The following NFYC variants were observed in gnomAD, a reference collection of about 807,000 sequenced individuals.
NFYC encodes CAAT box DNA-binding protein subunit C.
In NFYC, 25 loss-of-function variants were observed where a neutral mutation model predicts 53.1. The observed-to-expected ratio is 0.47, with a 90% CI of 0.34 to 0.66. The LOEUF is 0.66. Among genes scored for constraint, NFYC ranks in the 30% least tolerant of loss-of-function variants. The probability of loss-of-function intolerance (pLI) is 0.01; values close to 1 mark genes in which losing one functional copy is unlikely to be tolerated. For missense variants in NFYC, 260 were observed against 422.7 expected (o/e 0.62, Z 3.38); for synonymous variants, 145 against 152.6 (o/e 0.95, Z 0.37).
intron 1 of NFYC, among the ~76,000 whole-genome samples, chr1:40,696,511 C>T (rs964078910): frequency 1.3e-5 from 2 of 152,210 alleles, no homozygotes; most frequent in Non-Finnish European, 2.9e-5. Flanking sequence ...GACAGGGTCA[C>T]TTGGCTATGC....
intron 1 of NFYC, among the ~76,000 whole-genome samples, chr1:40,707,339 C>A (rs1643744982): frequency 1.3e-5 from 2 of 150,484 alleles, no homozygotes; most frequent in African/African-American, 2.4e-5. Context: ...ACTAAAAATA[C>A]AAAAATTAGC....
intron 1 of NFYC, among the ~76,000 whole-genome samples, chr1:40,731,545 C>T (rs367968028): frequency 7.5e-4 from 114 of 151,462 alleles, no homozygotes; most frequent in African/African-American, 2.5e-3. Context: ...AGTGCAGTGG[C>T]GCGACCTCAG....
At chr1:40,752,011 AT>A (rs1645941526) in intron 4 of NFYC, among the ~76,000 whole-genome samples, 1 of 152,236 alleles carries the variant, frequency 6.6e-6, no homozygotes, top group Non-Finnish European at 1.5e-5. Context: ...GAAAAAAAAA[AT>A]TTCCATCCTC....
At chr1:40,766,403 G>T (rs72659591) in intron 7 of NFYC, among the ~76,000 whole-genome samples, 193 bp from the exon 8 acceptor site, 23 of 152,272 alleles carry the variant, frequency 1.5e-4, no homozygotes, top group Middle Eastern at 3.4e-3. Flanking sequence ...CTTCTGTGCT[G>T]TGTGACTTGT....
chr1:40,767,014 C>G (rs1204374937), intron 8 of NFYC: 5 of 1,534,422 alleles, frequency 3.3e-6, no homozygotes, highest in East Asian at 2.4e-5. Context: ...TTCGACAGAT[C>G]GCCTGATCGT....
chr1:40,711,220 G>GA (rs1643917592), intron 1 of NFYC, among the ~76,000 whole-genome samples: 1 of 152,180 alleles, frequency 6.6e-6, no homozygotes, highest in Non-Finnish European at 1.5e-5. Flanking sequence ...TTGTATTTGT[G>GA]AAAGTTTTGG....
chr1:40,724,327 C>T (rs1456819056), intron 1 of NFYC, among the ~76,000 whole-genome samples: 1 of 152,096 alleles, frequency 6.6e-6, no homozygotes, highest in Non-Finnish European at 1.5e-5. Flanking sequence ...GAGATCGTGC[C>T]ATTGTACTCC....
At chr1:40,698,571 G>A (rs1356602778) in intron 1 of NFYC, among the ~76,000 whole-genome samples, 2 of 151,290 alleles carry the variant, frequency 1.3e-5, no homozygotes, top group Admixed American at 6.6e-5. Context: ...GGGACTACAG[G>A]TGCGTGCCAC....
intron 1 of NFYC, among the ~76,000 whole-genome samples, chr1:40,697,584 G>A (rs1252902648): frequency 6.6e-6 from 1 of 152,132 alleles, no homozygotes; most frequent in Admixed American, 6.5e-5. Flanking sequence ...GATTAAATTC[G>A]GAACAACTGG....
At chr1:40,725,957 A>T (rs754530272) in intron 1 of NFYC, among the ~76,000 whole-genome samples, 1 of 152,206 alleles carries the variant, frequency 6.6e-6, no homozygotes, top group African/African-American at 2.4e-5. Context: ...AAAATACCTT[A>T]TTGGTAAAAA....
Position 40,770,643 on chromosome 1 carries a change from A to T in NFYC, c.889-66A>T. The T allele has an allele frequency of 6.2e-7, 1 of 1,613,806 alleles. No homozygotes were observed. Among genetic ancestry groups the T allele is most frequent in the Non-Finnish European group, 8.5e-7 (1 of 1,179,932 alleles). ...ATCTGGGACCCCCAACCAGCTCGAG[A>T]CCCATAGGGAGCTGCATGCCCCTCT... On this transcript the variant is annotated intron_variant, in intron 9 of 9. Transcript: ENST00000447388. This position sits in a 1 kb window ranked among gnomAD's most constrained non-coding sequence, Gnocchi z 5.3.
At chr1:40,746,607 T>C (rs1363886780) in intron 2 of NFYC, among the ~76,000 whole-genome samples, 1 of 152,228 alleles carries the variant, frequency 6.6e-6, no homozygotes, top group Non-Finnish European at 1.5e-5. Flanking sequence ...CTAGTCCCAG[T>C]AGAGATTTTG....
At chr1:40,738,149 G>A (rs1272458596) in intron 1 of NFYC, among the ~76,000 whole-genome samples, 3 of 151,930 alleles carry the variant, frequency 2.0e-5, no homozygotes, top group Non-Finnish European at 4.4e-5. Context: ...TGATCCGCCC[G>A]CCTCGGCCTC....
At chr1:40,752,273 A>C (rs944047908) in intron 4 of NFYC, among the ~76,000 whole-genome samples, 4 of 152,168 alleles carry the variant, frequency 2.6e-5, no homozygotes, top group African/African-American at 9.7e-5. Flanking sequence ...GTGCATTGTA[A>C]AGTTTACTTT....
chr1:40,763,681 T>G (rs1159092202), intron 7 of NFYC, among the ~76,000 whole-genome samples: 1 of 152,108 alleles, frequency 6.6e-6, no homozygotes, highest in Non-Finnish European at 1.5e-5. Context: ...GTGTGTGTGT[T>G]TGTTTTGTTT....
At chr1:40,710,767 C>T (rs951832139) in intron 1 of NFYC, among the ~76,000 whole-genome samples, 9 of 152,106 alleles carry the variant, frequency 5.9e-5, no homozygotes, top group African/African-American at 1.2e-4. Context: ...GATTTAGATT[C>T]GGGGCTCTTG....
At chr1:40,767,248 A>C in intron 8 of NFYC, 1 of 430,402 alleles carries the variant, frequency 2.3e-6, no homozygotes. Context: ...CATGGGTATT[A>C]CTTGCAGAAG....
rs1351510590 is a variant in NFYC at position 40,766,776 on chromosome 1, C to T, written c.828+73C>T. 1.9e-5 allele frequency: 28 copies of T among 1,513,496 alleles called. 1 individual carries two copies. Among genetic ancestry groups the T allele is most frequent in the Middle Eastern group, 3.4e-4 (2 of 5,894 alleles). 93.8% of individuals were successfully genotyped at this position (1,513,496 alleles called of 1,614,324 possible). On this transcript the variant is annotated intron_variant, in intron 8 of 9. Coordinates refer to ENST00000447388, the MANE Select transcript of NFYC (RefSeq NM_014223.5). ...TGGCTTCTGACAGGAAAGGAGCGCT[C>T]AGCACACAGCTGTCTTGCCACCTCA...
In NFYC at chr1:40,763,055, T is replaced by C; in HGVS notation, c.720+9T>C. The stretch of plus-strand genomic sequence containing the variant: ...AGATCCAGCAGATCCCGGTGAGTCC[T>C]GCCCTGAGGTCTGTCTTTACAACTT... On this transcript the variant is annotated intron_variant, in intron 7 of 9. Coordinates refer to ENST00000447388, the MANE Select transcript of NFYC (RefSeq NM_014223.5). The C allele has an allele frequency of 6.3e-7, 1 of 1,574,944 alleles. No individual in the cohort carries two copies. The highest frequency in any genetic ancestry group is 8.6e-7 in the Non-Finnish European group (1 of 1,159,022).
Sources: allele counts gnomAD v4.1 joint callset (sites outside exome capture counted in the v4.1 genomes callset), GRCh38; gene constraint gnomAD v4.1.1; non-coding constraint Gnocchi (gnomAD v3.1); transcripts MANE v1.5; gene names NCBI Gene and HGNC (gene_info 2026-07-23, HGNC 2026-07-21).